The following TRAPPC8 variants were observed in gnomAD, a reference collection of about 807,000 sequenced individuals.
TRAPPC8 encodes the protein trafficking protein particle complex subunit 8.
In TRAPPC8, 54 loss-of-function variants were observed where a neutral mutation model predicts 174.3. The ratio of observed to expected loss-of-function variants is 0.31; its 90% CI spans 0.25 to 0.39. The LOEUF (loss-of-function observed/expected upper bound fraction) is 0.39. Among genes scored for constraint, TRAPPC8 ranks in the 10% least tolerant of loss-of-function variants. The probability of loss-of-function intolerance (pLI) is 1.00; values close to 1 mark genes in which losing one functional copy is unlikely to be tolerated. For missense variants in TRAPPC8, 1,531 were observed against 1,699.1 expected (o/e 0.90, Z 1.74); for synonymous variants, 630 against 579.9 (o/e 1.09, Z -1.24).
intron 16 of TRAPPC8, among the ~76,000 whole-genome samples, chr18:31,869,181 T>G (rs749672011): frequency 2.0e-5 from 3 of 152,108 alleles, no homozygotes; most frequent in Non-Finnish European, 4.4e-5. Flanking sequence ...CCACATCATT[T>G]CTGCTTCAAA....
At chr18:31,870,135 G>A (rs1428759769) in intron 16 of TRAPPC8, 5 of 273,642 alleles carry the variant, frequency 1.8e-5, no homozygotes, top group African/African-American at 6.6e-5. Context: ...AAGATACACA[G>A]CAAAATGTTA....
chr18:31,886,344 G>GAAAAAAA lies in TRAPPC8; in HGVS notation c.1728+4390_1728+4391insTTTTTTT, dbSNP rs1568092404. On this transcript the variant is annotated intron_variant, in intron 12 of 28. Transcript: ENST00000283351. Reference sequence around the variant, plus strand: ...TTAATTTTTAAGTGATGTTTCTTGAGGAAAAAAAAAAAAAAAAAAAAAGGC... The same window carrying GAAAAAAA: ...TTAATTTTTAAGTGATGTTTCTTGAGAAAAAAAGAAAAAAAAAAAAAAAAAAAAAGGC... Among the ~76,000 whole-genome samples the GAAAAAAA allele has an allele frequency of 5.6e-5, 4 of 71,244 alleles. 2 individuals are homozygous for GAAAAAAA. Among genetic ancestry groups the GAAAAAAA allele is most frequent in the Non-Finnish European group, 1.1e-4 (4 of 36,670 alleles). The allele number at this position is 71,244 out of a possible 152,430, so 46.7% of individuals were successfully genotyped here.
chr18:31,858,281 A>G (rs1808118983), intron 19 of TRAPPC8, among the ~76,000 whole-genome samples: 2 of 152,226 alleles, frequency 1.3e-5, no homozygotes, highest in Non-Finnish European at 2.9e-5. Flanking sequence ...TATGGACCAG[A>G]AAAGTTGAAA....
At chr18:31,882,168 C>T (rs1189200743) in intron 12 of TRAPPC8, among the ~76,000 whole-genome samples, 1 of 152,130 alleles carries the variant, frequency 6.6e-6, no homozygotes, top group Non-Finnish European at 1.5e-5. Flanking sequence ...TTCATCACAG[C>T]ACTATTCACA....
intron 19 of TRAPPC8, among the ~76,000 whole-genome samples, chr18:31,864,376 AT>A (rs940924321): frequency 6.6e-6 from 1 of 151,942 alleles, no homozygotes; most frequent in Non-Finnish European, 1.5e-5. Flanking sequence ...ATCAGAGTGG[AT>A]TTTTTAGAAG....
chr18:31,909,336 T>A (rs1354909443), intron 6 of TRAPPC8, among the ~76,000 whole-genome samples: 2 of 151,900 alleles, frequency 1.3e-5, no homozygotes, highest in South Asian at 2.1e-4. Context: ...ACAAAAAAAA[T>A]TTGTTATCAT....
rs1568082750 is a variant in TRAPPC8 at position 31,880,093 on chromosome 18, ATATATAT to A, written c.1729-5396_1729-5390del. ...TACTGAAACTATTGAAAAAAAAAAT[ATATATAT>A]ATATATATATATATATATATATTTT... On this transcript the variant is annotated intron_variant, in intron 12 of 28. Transcript: ENST00000283351. 1.7e-3 allele frequency among the ~76,000 whole-genome samples: 108 copies of A among 63,324 alleles called. 6 individuals carry two copies. Among genetic ancestry groups the A allele is most frequent in the African/African-American group, 3.9e-3 (63 of 15,984 alleles). 41.5% of individuals were successfully genotyped at this position (63,324 alleles called of 152,430 possible).
chr18:31,910,461 G>A (rs1428571657), intron 5 of TRAPPC8, among the ~76,000 whole-genome samples: 3 of 152,096 alleles, frequency 2.0e-5, no homozygotes, highest in African/African-American at 2.4e-5. Flanking sequence ...GGCATATTTA[G>A]ACTGGAAAAA....
chr18:31,908,528 AC>A (rs2036762954), intron 7 of TRAPPC8, 110 bp from the exon 8 acceptor site: 2 of 915,822 alleles, frequency 2.2e-6, no homozygotes, highest in African/African-American at 3.4e-5. Context: ...TTTTAATAAA[AC>A]TGATTTAAAG....
At position 31,890,879 on chromosome 18, in the gene TRAPPC8, T is replaced by C; in HGVS notation, c.1597-13A>G. The C allele has an allele frequency of 6.3e-7, 1 of 1,586,944 alleles. No homozygotes were observed. Among genetic ancestry groups the C allele is most frequent in the Non-Finnish European group, 8.6e-7 (1 of 1,169,250 alleles). On this transcript the variant is annotated splice_polypyrimidine_tract_variant and intron_variant, in intron 11 of 28. Coordinates refer to ENST00000283351, the MANE Select transcript of TRAPPC8 (RefSeq NM_014939.5). The stretch of plus-strand genomic sequence containing the variant: ...GAAGATCAGAATCCTAGTGAATGTT[T>C]AAAAGAGAAAAAGGTTAGTTTCACC...
At chr18:31,872,371 T>C (rs1419657602) in intron 14 of TRAPPC8, among the ~76,000 whole-genome samples, 2 of 152,174 alleles carry the variant, frequency 1.3e-5, no homozygotes, top group Admixed American at 6.5e-5. Flanking sequence ...TTTACTTCTA[T>C]GTACATTTGA....
At chr18:31,923,676 C>T (rs1489787718) in intron 2 of TRAPPC8, among the ~76,000 whole-genome samples, 2 of 151,322 alleles carry the variant, frequency 1.3e-5, no homozygotes, top group African/African-American at 2.4e-5. Flanking sequence ...CATCGTATCT[C>T]ATTCTCAGTC....
intron 27 of TRAPPC8, among the ~76,000 whole-genome samples, chr18:31,836,971 C>T (rs1466036170): frequency 6.6e-6 from 1 of 151,932 alleles, no homozygotes; most frequent in African/African-American, 2.4e-5. Flanking sequence ...ACCGTGTTAG[C>T]CAGGATGGTC....
rs2032235278 is a variant in TRAPPC8, at chr18:31,829,434, C to T, written c.*1321G>A. On this transcript the variant is annotated 3_prime_UTR_variant, in exon 29 of 29. Coordinates refer to ENST00000283351, the MANE Select transcript of TRAPPC8 (RefSeq NM_014939.5). Reference sequence around the variant, plus strand: ...ATGAGTGTCCTTAGAATGTGACCTTCCTCTCCAACTTGTCCCACACCTGCT... The same window carrying T: ...ATGAGTGTCCTTAGAATGTGACCTTTCTCTCCAACTTGTCCCACACCTGCT... 1 of 152,160 alleles carries T rather than the reference C, an allele frequency of 6.6e-6. No individual in the cohort carries two copies. The highest frequency in any genetic ancestry group is 2.4e-5 in the African/African-American group (1 of 41,420). 9.4% of individuals were successfully genotyped at this position (152,160 alleles called of 1,614,324 possible).
Position 31,870,643 on chromosome 18 carries a change from A to C in TRAPPC8, c.2258-141T>G, listed in dbSNP as rs570573918. 20 of 962,902 alleles carry C rather than the reference A, an allele frequency of 2.1e-5. No individual in the cohort carries two copies. The African/African-American group carries it at 3.1e-4, about 15-fold the overall frequency. 59.6% of individuals were successfully genotyped at this position (962,902 alleles called of 1,614,324 possible). The stretch of plus-strand genomic sequence containing the variant: ...TTTATTACCTTATAAATGTCCACGT[A>C]TTCAGGATTCTGTTGTAATACTACA... On this transcript the variant is annotated intron_variant, in intron 15 of 28. Coordinates refer to ENST00000283351, the MANE Select transcript of TRAPPC8 (RefSeq NM_014939.5).
Position 31,829,648 on chromosome 18 carries a change from C to T in TRAPPC8, c.*1107G>A, listed in dbSNP as rs1447555016. The T allele has an allele frequency of 6.6e-6, 1 of 152,198 alleles. No homozygotes were observed. Among genetic ancestry groups the T allele is most frequent in the Non-Finnish European group, 1.5e-5 (1 of 68,044 alleles). 9.4% of individuals were successfully genotyped at this position (152,198 alleles called of 1,614,324 possible). A position where few individuals can be genotyped will look rare whatever the true frequency, so the allele number is the denominator to read the frequency against. On this transcript the variant is annotated 3_prime_UTR_variant, in exon 29 of 29. Transcript: ENST00000283351. ...TCTCCCCACTTTGGTGCAGTCTGCT[C>T]CGATTAGTGCCGAGATTGAGACTGG...
intron 1 of TRAPPC8, among the ~76,000 whole-genome samples, chr18:31,933,239 G>A (rs1289289257): frequency 1.3e-5 from 2 of 149,624 alleles, no homozygotes; most frequent in Non-Finnish European, 3.0e-5. Context: ...GGGCGGAGCT[G>A]GCAGTGAGCT....
At chr18:31,840,429 T>C (rs1224537642) in intron 26 of TRAPPC8, among the ~76,000 whole-genome samples, 1 of 152,022 alleles carries the variant, frequency 6.6e-6, no homozygotes, top group East Asian at 1.9e-4. Context: ...GAGAGAAAGA[T>C]GAAAGTAGAG....
At chr18:31,933,157 C>T (rs1236235349) in intron 1 of TRAPPC8, among the ~76,000 whole-genome samples, 1 of 151,718 alleles carries the variant, frequency 6.6e-6, no homozygotes, top group Non-Finnish European at 1.5e-5. Flanking sequence ...AAAAATTAGC[C>T]GGGCGTGGTG....
Sources: allele counts gnomAD v4.1 joint callset (sites outside exome capture counted in the v4.1 genomes callset), GRCh38; gene constraint gnomAD v4.1.1; transcripts MANE v1.5; gene names NCBI Gene and HGNC (gene_info 2026-07-23, HGNC 2026-07-21).